The following ME3 variants were observed in gnomAD, a reference collection of about 807,000 sequenced individuals.
ME3 encodes the protein NADP-dependent malic enzyme, mitochondrial.
ME3 carries 48 observed loss-of-function variants against 68.9 expected under a neutral mutation model. The observed-to-expected ratio is 0.70, with a 90% CI of 0.55 to 0.89. The LOEUF (loss-of-function observed/expected upper bound fraction) is 0.89. Among genes scored for constraint, ME3 ranks in the 40% least tolerant of loss-of-function variants. The pLI is 0.00. For missense variants in ME3, 675 were observed against 797.4 expected (o/e 0.85, Z 1.85); for synonymous variants, 320 against 318.8 (o/e 1.00, Z -0.04).
At chr11:86,559,767 C>A (rs538087697) in exon 3 of ME3, 5 of 1,613,986 alleles carry the variant, frequency 3.1e-6, no homozygotes, top group Admixed American at 1.7e-5. Context: ...GAAAGCAGGG[C>A]GGGATTAGGC....
chr11:86,634,615 G>T (rs913848321), intron 2 of ME3, among the ~76,000 whole-genome samples: 6 of 152,154 alleles, frequency 3.9e-5, no homozygotes, highest in African/African-American at 1.4e-4. Flanking sequence ...CTGGGGTATT[G>T]TCTACTATGC....
At chr11:86,477,867 C>T (rs944840579) in intron 7 of ME3, among the ~76,000 whole-genome samples, 4 of 152,094 alleles carry the variant, frequency 2.6e-5, no homozygotes, top group Admixed American at 6.6e-5. Flanking sequence ...GGACAGATTC[C>T]TTGCATGCAT....
chr11:86,487,967 C>T (rs899510407), intron 6 of ME3, among the ~76,000 whole-genome samples: 10 of 152,130 alleles, frequency 6.6e-5, no homozygotes, highest in South Asian at 2.1e-4. Context: ...CTCTTGAGCC[C>T]GGGAGTCTGA....
intron 2 of ME3, among the ~76,000 whole-genome samples, chr11:86,597,835 C>G (rs1376173211): frequency 6.6e-6 from 1 of 152,020 alleles, no homozygotes; most frequent in East Asian, 2.0e-4. Context: ...CAATCAAATA[C>G]ATTTAAGATA....
At chr11:86,472,082 A>G (rs1399090812) in intron 7 of ME3, among the ~76,000 whole-genome samples, 2 of 152,144 alleles carry the variant, frequency 1.3e-5, no homozygotes, top group Non-Finnish European at 2.9e-5. Flanking sequence ...GTTCCCAGAC[A>G]GACTGTGGAT....
At chr11:86,592,922 C>G (rs562889705) in intron 2 of ME3, among the ~76,000 whole-genome samples, 1 of 152,244 alleles carries the variant, frequency 6.6e-6, no homozygotes, top group East Asian at 1.9e-4. Flanking sequence ...AGTCCTGGCT[C>G]CATGGGTTAC....
intron 7 of ME3, among the ~76,000 whole-genome samples, chr11:86,475,261 G>T (rs1256217746): frequency 6.6e-6 from 1 of 152,112 alleles, no homozygotes; most frequent in East Asian, 1.9e-4. Flanking sequence ...ATGAGGTCTG[G>T]TTGTTTAAAA....
chr11:86,532,891 C>G (rs1028365642), intron 4 of ME3, among the ~76,000 whole-genome samples: 1 of 152,132 alleles, frequency 6.6e-6, no homozygotes, highest in Non-Finnish European at 1.5e-5. Context: ...AAAACCCCGT[C>G]TCTACTAAAA....
intron 2 of ME3, among the ~76,000 whole-genome samples, chr11:86,567,818 CA>C (rs1957568561): frequency 6.6e-6 from 1 of 152,222 alleles, no homozygotes; most frequent in South Asian, 2.1e-4. Context: ...CAACATAGGA[CA>C]GGCACAAGAC....
rs115825213 is a variant in ME3 at position 86,463,111 on chromosome 11, G to A, written c.919+1980C>T. ...AGTTTCATCTCAGAGGCACATTATC[G>A]CAGCAGTTTGGGGGCGGATGGGCCT... On this transcript the variant is annotated intron_variant, in intron 8 of 14. Coordinates refer to ENST00000543262, the Ensembl canonical transcript of ME3. 4.2e-3 allele frequency among the ~76,000 whole-genome samples: 639 copies of A among 152,286 alleles called. 6 individuals are homozygous for A. Among genetic ancestry groups the A allele is most frequent in the African/African-American group, 0.015 (614 of 41,550 alleles).
chr11:86,637,680 G>A (rs1013084033), intron 2 of ME3, among the ~76,000 whole-genome samples: 1 of 152,130 alleles, frequency 6.6e-6, no homozygotes, highest in African/African-American at 2.4e-5. Flanking sequence ...TTAACTTTGT[G>A]CTGTAGGTGG....
chr11:86,646,346 G>A (rs189572421), intron 2 of ME3, among the ~76,000 whole-genome samples: 1 of 152,298 alleles, frequency 6.6e-6, no homozygotes, highest in Non-Finnish European at 1.5e-5. Flanking sequence ...CCAGTTTAGA[G>A]AAGAACATAA....
chr11:86,601,015 T>G (rs1198047580), intron 2 of ME3, among the ~76,000 whole-genome samples: 1 of 151,742 alleles, frequency 6.6e-6, no homozygotes, highest in African/African-American at 2.4e-5. Context: ...GATCCAAAAT[T>G]GACACCCTAA....
chr11:86,484,376 C>G (rs895666032), intron 7 of ME3, among the ~76,000 whole-genome samples: 6 of 152,136 alleles, frequency 3.9e-5, no homozygotes, highest in Non-Finnish European at 8.8e-5. Context: ...CTTGGGGAGA[C>G]CAGCTCATTC....
intron 2 of ME3, among the ~76,000 whole-genome samples, chr11:86,666,918 G>A (rs1404462101): frequency 6.6e-6 from 1 of 152,166 alleles, no homozygotes; most frequent in Non-Finnish European, 1.5e-5. Flanking sequence ...ACAAGATCAA[G>A]TTCTAAGCTA....
At chr11:86,544,253 G>A (rs1203871989) in intron 4 of ME3, among the ~76,000 whole-genome samples, 4 of 151,950 alleles carry the variant, frequency 2.6e-5, no homozygotes, top group Non-Finnish European at 5.9e-5. Context: ...AACTAGAGAG[G>A]CAAGAGCAAA....
Position 86,450,008 on chromosome 11 carries a change from A to G in ME3, c.1018-6T>C, listed in dbSNP as rs2138623728. The G allele has an allele frequency of 6.3e-7, 1 of 1,595,874 alleles. No homozygotes were observed. Among genetic ancestry groups the G allele is most frequent in the East Asian group, 2.2e-5 (1 of 44,704 alleles). On this transcript the variant is annotated splice_region_variant and splice_polypyrimidine_tract_variant and intron_variant, in intron 9 of 14. Transcript: ENST00000543262. ...TGGGCAATGCCCATAGCTGCCTGGA[A>G]GGTACCATAGGGTAGATGTTCAGAC...
intron 7 of ME3, among the ~76,000 whole-genome samples, chr11:86,484,069 T>C (rs1489548622): frequency 6.6e-6 from 1 of 152,196 alleles, no homozygotes; most frequent in East Asian, 1.9e-4. Flanking sequence ...ACAGACTAAA[T>C]GGAGATTCCT....
intron 2 of ME3, among the ~76,000 whole-genome samples, chr11:86,643,668 A>G (rs1439504840): frequency 2.0e-5 from 3 of 152,222 alleles, no homozygotes; most frequent in African/African-American, 7.2e-5. Context: ...CATACTTTTA[A>G]TATAATATGA....
Sources: allele counts gnomAD v4.1 joint callset (sites outside exome capture counted in the v4.1 genomes callset), GRCh38; gene constraint gnomAD v4.1.1; transcripts MANE v1.5; gene names NCBI Gene and HGNC (gene_info 2026-07-23, HGNC 2026-07-21).